The following SASH1 variants were observed in gnomAD, a reference collection of about 807,000 sequenced individuals.
SASH1 encodes the protein SAM and SH3 domain containing 1.
Under a neutral mutation model 125.2 loss-of-function variants are expected in SASH1, and 44 were observed. The ratio of observed to expected loss-of-function variants is 0.35; its 90% CI spans 0.28 to 0.45. The LOEUF (loss-of-function observed/expected upper bound fraction) is 0.45, where lower values mean the gene tolerates loss of function less well. SASH1 is among the 20% of genes least tolerant of loss of function. The pLI is 1.00. For synonymous variants in SASH1, 639 were observed against 649.1 expected (o/e 0.98, Z 0.24); for missense variants, 1,426 against 1,614.5 (o/e 0.88, Z 2.00).
chr6:148,242,905 G>T, the SASH1 span, among the ~76,000 whole-genome samples: 1 of 152,104 alleles, frequency 6.6e-6, no homozygotes, highest in East Asian at 1.9e-4. Context: ...GTGTTCTCCA[G>T]TTTATTGGCA....
At chr6:148,424,561 C>G (rs757741498) in intron 2 of SASH1, among the ~76,000 whole-genome samples, 2 of 152,004 alleles carry the variant, frequency 1.3e-5, no homozygotes, top group African/African-American at 2.4e-5. Context: ...GCTGGAGTGC[C>G]GTGGTGCAAT....
chr6:148,530,320 C>CT (rs35320656), intron 12 of SASH1, among the ~76,000 whole-genome samples: 1 of 151,984 alleles, frequency 6.6e-6, no homozygotes, highest in African/African-American at 2.4e-5. Flanking sequence ...AAACTGCGTG[C>CT]TTTTTTCAGA....
At chr6:148,540,652 C>T in intron 17 of SASH1, 96 bp downstream of exon 17, 2 of 899,416 alleles carry the variant, frequency 2.2e-6, no homozygotes, top group South Asian at 2.9e-5. Context: ...CTGTCATGAA[C>T]TCAGCAATCA....
chr6:148,458,088 T>C (rs1777446403), intron 4 of SASH1, among the ~76,000 whole-genome samples: 1 of 152,222 alleles, frequency 6.6e-6, no homozygotes, highest in African/African-American at 2.4e-5. Context: ...CATCTTCTCA[T>C]ATAGCAGGTA....
intron 7 of SASH1, among the ~76,000 whole-genome samples, chr6:148,477,661 G>A (rs141163019): frequency 0.015 from 2,229 of 151,072 alleles, 52 homozygotes; most frequent in African/African-American, 0.052. Context: ...GAATAGCTGG[G>A]ATCACAGGTG....
intron 1 of SASH1, among the ~76,000 whole-genome samples, chr6:148,364,421 A>T (rs1346745434): frequency 6.6e-6 from 1 of 152,128 alleles, no homozygotes; most frequent in African/African-American, 2.4e-5. Flanking sequence ...AGAGGACCAT[A>T]CTCAATTAAA....
intron 10 of SASH1, among the ~76,000 whole-genome samples, chr6:148,524,113 A>G (rs1248436820): frequency 6.5e-5 from 4 of 61,802 alleles, no homozygotes; most frequent in African/African-American, 2.3e-4. Context: ...ATATATATAT[A>G]TATATATATT....
chr6:148,221,052 C>T, the SASH1 span, among the ~76,000 whole-genome samples: 1 of 152,182 alleles, frequency 6.6e-6, no homozygotes, highest in South Asian at 2.1e-4. Flanking sequence ...AAGCTACTTT[C>T]TGGGACTTGA....
chr6:148,272,648 C>T (rs111533266), intron 1 of SASH1, among the ~76,000 whole-genome samples: 5,798 of 152,136 alleles, frequency 0.038, 147 homozygotes, highest in Middle Eastern at 0.075. Flanking sequence ...TATTTATTTT[C>T]CCCCAAGACT....
chr6:148,546,568 C>G (rs1404443275), intron 19 of SASH1, among the ~76,000 whole-genome samples: 1 of 152,144 alleles, frequency 6.6e-6, no homozygotes. Flanking sequence ...TTCCAAAGAT[C>G]TATTGTTCAA....
At chr6:148,306,381 C>T (rs973083745) in intron 1 of SASH1, among the ~76,000 whole-genome samples, 2 of 152,202 alleles carry the variant, frequency 1.3e-5, no homozygotes, top group Non-Finnish European at 2.9e-5. Context: ...CCAGCCAGGG[C>T]CACAGGCCTC....
the SASH1 span, among the ~76,000 whole-genome samples, chr6:148,232,899 C>G: frequency 6.6e-6 from 1 of 152,032 alleles, no homozygotes; most frequent in Non-Finnish European, 1.5e-5. Flanking sequence ...GTATATGTAA[C>G]AAAGATTGTA....
intron 2 of SASH1, among the ~76,000 whole-genome samples, chr6:148,392,597 T>C (rs1018235671): frequency 6.6e-6 from 1 of 152,248 alleles, no homozygotes; most frequent in African/African-American, 2.4e-5. Flanking sequence ...CTATTATTTC[T>C]TTTCTTAACC....
intron 4 of SASH1, among the ~76,000 whole-genome samples, chr6:148,459,920 C>G (rs1455275430): frequency 2.0e-5 from 3 of 152,134 alleles, no homozygotes; most frequent in African/African-American, 7.2e-5. Context: ...GCTTTGAATA[C>G]TGGCACTTGG....
At chr6:148,382,496 G>A (rs537210803) in intron 1 of SASH1, among the ~76,000 whole-genome samples, 4 of 152,240 alleles carry the variant, frequency 2.6e-5, no homozygotes, top group African/African-American at 7.2e-5. Context: ...CTCCATGTTG[G>A]TCAGGCTGGT....
At chr6:148,225,354 A>T in the SASH1 span, among the ~76,000 whole-genome samples, 2 of 152,236 alleles carry the variant, frequency 1.3e-5, no homozygotes, top group Non-Finnish European at 2.9e-5. Flanking sequence ...GTAGATTAAA[A>T]AGTGTGGTAT....
chr6:148,261,258 G>T, the SASH1 span, among the ~76,000 whole-genome samples: 2 of 152,260 alleles, frequency 1.3e-5, no homozygotes, highest in Non-Finnish European at 2.9e-5. Context: ...TATCCAAACA[G>T]CCTCTCCTCA....
chr6:148,211,439 C>T, the SASH1 span, among the ~76,000 whole-genome samples: 2 of 150,030 alleles, frequency 1.3e-5, no homozygotes, highest in Admixed American at 1.3e-4. Flanking sequence ...GGTGTGGTGG[C>T]ACGTGCCTGT....
intron 1 of SASH1, among the ~76,000 whole-genome samples, chr6:148,286,578 C>T (rs1779488353): frequency 6.6e-6 from 1 of 152,060 alleles, no homozygotes; most frequent in Non-Finnish European, 1.5e-5. Context: ...ATTGGTGTCT[C>T]CGGAGGCCTC....
Sources: gnomAD v4.1 joint callset for allele counts (sites outside exome capture counted in the v4.1 genomes callset) on GRCh38, gnomAD v4.1.1 for gene constraint, MANE v1.5 for transcripts, NCBI Gene and HGNC (gene_info 2026-07-23, HGNC 2026-07-21) for gene names.